The following EPHX2 variants were observed in gnomAD, a reference collection of about 807,000 sequenced individuals.
EPHX2 encodes the protein bifunctional epoxide hydrolase 2.
EPHX2 carries 74 observed loss-of-function variants against 78.7 expected under a neutral mutation model. That is an observed-to-expected ratio of 0.94 (90% CI 0.78 to 1.14). The LOEUF (loss-of-function observed/expected upper bound fraction) is 1.14. Among genes scored for constraint, EPHX2 ranks in the 50% most tolerant of loss-of-function variants. The pLI is 0.00. For missense variants in EPHX2, 715 were observed against 702.5 expected (o/e 1.02, Z -0.20); for synonymous variants, 251 against 255.2 (o/e 0.98, Z 0.16).
At chr8:27,523,838 AC>A (rs1814733332) in intron 11 of EPHX2, among the ~76,000 whole-genome samples, 1 of 152,130 alleles carries the variant, frequency 6.6e-6, no homozygotes, top group Non-Finnish European at 1.5e-5. Flanking sequence ...CCAAAAAGTT[AC>A]CCTGCAGACT....
At chr8:27,540,763 C>A in intron 15 of EPHX2, 107 bp downstream of exon 15, 1 of 1,030,942 alleles carries the variant, frequency 9.7e-7, no homozygotes, top group East Asian at 2.5e-5. Context: ...CCACAGCCCT[C>A]GTTAGTGCCA....
intron 12 of EPHX2, among the ~76,000 whole-genome samples, chr8:27,533,694 C>T (rs945015994): frequency 4.6e-5 from 7 of 152,096 alleles, no homozygotes; most frequent in Non-Finnish European, 1.0e-4. Context: ...CTCAATCAGT[C>T]CTCCTGCCTC....
At chr8:27,523,399 G>A (rs899200415) in intron 11 of EPHX2, among the ~76,000 whole-genome samples, 5 of 152,192 alleles carry the variant, frequency 3.3e-5, no homozygotes, top group African/African-American at 1.2e-4. Flanking sequence ...TTTGGGCCCA[G>A]AGACTCTGTA....
chr8:27,499,218 T>G (rs1419083797), intron 1 of EPHX2, among the ~76,000 whole-genome samples: 1 of 152,144 alleles, frequency 6.6e-6, no homozygotes. Context: ...ACCCAATCAC[T>G]TCTTAAAGGC....
chr8:27,497,943 T>C (rs1258223799), intron 1 of EPHX2, among the ~76,000 whole-genome samples: 4 of 152,034 alleles, frequency 2.6e-5, no homozygotes, highest in African/African-American at 9.7e-5. Context: ...TTGGCTGTCA[T>C]TCTGTCATTT....
intron 1 of EPHX2, among the ~76,000 whole-genome samples, chr8:27,493,841 C>G (rs1480068537): frequency 6.6e-6 from 1 of 152,196 alleles, no homozygotes; most frequent in Non-Finnish European, 1.5e-5. Context: ...CAAGGTAGCT[C>G]TGGTGAGCAG....
intron 12 of EPHX2, among the ~76,000 whole-genome samples, chr8:27,535,209 T>G (rs1355621918): frequency 6.6e-6 from 1 of 152,140 alleles, no homozygotes; most frequent in Non-Finnish European, 1.5e-5. Flanking sequence ...AGAGTTTCGC[T>G]CTTTTTGCCC....
chr8:27,512,730 A>G (rs1814298831), intron 6 of EPHX2, among the ~76,000 whole-genome samples: 2 of 152,118 alleles, frequency 1.3e-5, no homozygotes, highest in Admixed American at 6.5e-5. Context: ...GCTACTGTGC[A>G]GGCAGATAAA....
downstream of EPHX2, among the ~76,000 whole-genome samples, chr8:27,547,617 G>C (rs1243076339): frequency 6.6e-6 from 1 of 152,084 alleles, no homozygotes; most frequent in East Asian, 1.9e-4. Context: ...GTTGACTGTA[G>C]TCATTGCTCA....
chr8:27,520,839 C>T (rs771519860), intron 9 of EPHX2, 44 bp from the exon 10 acceptor site: 30 of 1,613,450 alleles, frequency 1.9e-5, no homozygotes, highest in Middle Eastern at 3.3e-4. Flanking sequence ...CTGAGGCAGG[C>T]GGGTGTGGTT....
intron 2 of EPHX2, among the ~76,000 whole-genome samples, chr8:27,501,387 C>CTTCTTCTTTCTTCT (rs1554519565): frequency 2.7e-4 from 18 of 67,448 alleles, no homozygotes; most frequent in Admixed American, 3.7e-4. Flanking sequence ...TCTTCTTCTT[C>CTTCTTCTTTCTTCT]TTCTTCTTTC....
At chr8:27,544,068 G>T in intron 17 of EPHX2, 118 bp from the exon 18 acceptor site, 1 of 1,236,688 alleles carries the variant, frequency 8.1e-7, no homozygotes, top group Non-Finnish European at 1.2e-6. Flanking sequence ...ATCATGCAGG[G>T]TTTGGGCAGG....
At chr8:27,525,115 C>CGT (rs1814793682) in intron 11 of EPHX2, among the ~76,000 whole-genome samples, 7 of 149,380 alleles carry the variant, frequency 4.7e-5, no homozygotes, top group Admixed American at 1.3e-4. Context: ...TGTGCGCGCG[C>CGT]GCGCGCGCAC....
chr8:27,508,477 C>G (rs778056802), intron 5 of EPHX2, among the ~76,000 whole-genome samples: 69 of 152,256 alleles, frequency 4.5e-4, no homozygotes, highest in Middle Eastern at 3.4e-3. Context: ...TTCATTTGTC[C>G]TTCTACAAAC....
chr8:27,544,358 C>T, intron 18 of EPHX2, 86 bp from the exon 19 acceptor site: 1 of 1,592,042 alleles, frequency 6.3e-7, no homozygotes, highest in South Asian at 1.1e-5. Context: ...CCACTCATGT[C>T]ACTCACCTCT....
At chr8:27,518,660 G>A (rs940388835) in intron 9 of EPHX2, among the ~76,000 whole-genome samples, 5 of 152,240 alleles carry the variant, frequency 3.3e-5, no homozygotes, top group African/African-American at 1.2e-4. Flanking sequence ...TGGGGAACTA[G>A]TAATGCTGCT....
intron 12 of EPHX2, among the ~76,000 whole-genome samples, chr8:27,527,746 G>A (rs1172094077): frequency 6.6e-6 from 1 of 152,200 alleles, no homozygotes; most frequent in East Asian, 1.9e-4. Flanking sequence ...AGGCTGAATA[G>A]TATTCCATGG....
chr8:27,523,723 T>A (rs1814728568), intron 11 of EPHX2, among the ~76,000 whole-genome samples: 1 of 152,192 alleles, frequency 6.6e-6, no homozygotes, highest in Admixed American at 6.5e-5. Flanking sequence ...TTTAAAAAAA[T>A]TTCTTGTGGG....
Position 27,522,491 on chromosome 8 carries a change from C to T in EPHX2, c.1041C>T (p.Phe347=). The T allele has an allele frequency of 6.2e-7, 1 of 1,614,050 alleles. No individual in the cohort carries two copies. Among genetic ancestry groups the T allele is most frequent in the Non-Finnish European group, 8.5e-7 (1 of 1,179,968 alleles). The change falls in exon 11 of 19, where the codon TTC becomes TTT. Residue 347 remains phenylalanine, a synonymous_variant. Transcript: ENST00000521400. Reference sequence around the variant, plus strand: ...TGCTGGTGTGGTACATGGCTCTCTTCTACCCCGAGAGAGTGAGGTAATTGG... The same window carrying T: ...TGCTGGTGTGGTACATGGCTCTCTTTTACCCCGAGAGAGTGAGGTAATTGG... The part of the protein sequence containing the change: ...GGMLVWYMAL[F]YPERVRAVAS...
Sources: allele counts gnomAD v4.1 joint callset (sites outside exome capture counted in the v4.1 genomes callset), GRCh38; gene constraint gnomAD v4.1.1; transcripts MANE v1.5; gene names NCBI Gene and HGNC (gene_info 2026-07-23, HGNC 2026-07-21).